TMEM51: variants seen among roughly 807,000 people sequenced by gnomAD.
TMEM51 encodes chromosome 1 open reading frame 72.
A neutral mutation model predicts 13.6 loss-of-function variants in TMEM51; 8 were observed. That is an observed-to-expected ratio of 0.59 (90% CI 0.35 to 1.07). The LOEUF (loss-of-function observed/expected upper bound fraction) is 1.07, where lower values mean the gene tolerates loss of function less well. TMEM51 is among the 50% of genes least tolerant of loss of function. The pLI is 0.02. For missense variants in TMEM51, 279 were observed against 330.7 expected, an observed-to-expected ratio of 0.84 and a Z score of 1.21; for synonymous variants, 147 against 144.4, an observed-to-expected ratio of 1.02 and a Z score of -0.13.
rs116169816 is a variant in TMEM51, at chr1:15,166,975, C to T, written c.-267+13021C>T. Among the ~76,000 whole-genome samples the T allele has an allele frequency of 9.9e-3, 1,508 of 152,130 alleles. 28 individuals are homozygous for T. The highest frequency in any genetic ancestry group is 0.034 in the African/African-American group (1,422 of 41,506). On this transcript the variant is annotated intron_variant, in intron 1 of 3. Transcript: ENST00000376008. ...TAGTTTTGCCCTTTCCAGGATATCA[C>T]GTAAATAGAATCATACAGTATGGTG...
chr1:15,201,437 A>C (rs12090557), intron 1 of TMEM51, among the ~76,000 whole-genome samples: 1 of 151,528 alleles, frequency 6.6e-6, no homozygotes, highest in Non-Finnish European at 1.5e-5. Context: ...AATACATAAA[A>C]TTAATAGTAA....
At chr1:15,212,987 G>A (rs1316533) in intron 2 of TMEM51, among the ~76,000 whole-genome samples, 83,130 of 152,164 alleles carry the variant, frequency 0.55, 23,054 homozygotes, top group East Asian at 0.64. Context: ...GTGCATTCAG[G>A]GTTCAGGCCC....
chr1:15,162,084 T>A (rs1573371531), intron 1 of TMEM51, among the ~76,000 whole-genome samples: 2 of 152,094 alleles, frequency 1.3e-5, no homozygotes, highest in South Asian at 4.2e-4. Flanking sequence ...CAACCAGATC[T>A]TTGGGCACCA....
chr1:15,166,871 C>G (rs1359432827), intron 1 of TMEM51, among the ~76,000 whole-genome samples: 2 of 152,140 alleles, frequency 1.3e-5, no homozygotes, highest in Non-Finnish European at 2.9e-5. Flanking sequence ...CATCACCCCC[C>G]AAAATACTCT....
intron 1 of TMEM51, among the ~76,000 whole-genome samples, chr1:15,182,453 AGG>A (rs1190086941): frequency 6.6e-6 from 1 of 152,220 alleles, no homozygotes; most frequent in Non-Finnish European, 1.5e-5. Flanking sequence ...TCAGTATACC[AGG>A]ACCACTCCGA....
At chr1:15,167,337 A>C (rs1212178435) in intron 1 of TMEM51, among the ~76,000 whole-genome samples, 3 of 140,446 alleles carry the variant, frequency 2.1e-5, no homozygotes, top group Admixed American at 6.8e-5. Flanking sequence ...AAAAAAAAAA[A>C]AAAAAAAAAA....
chr1:15,202,639 CCTTT>C (rs1644177934), intron 1 of TMEM51, among the ~76,000 whole-genome samples: 1 of 152,162 alleles, frequency 6.6e-6, no homozygotes, highest in South Asian at 2.1e-4. Context: ...CCTCCTTTGA[CCTTT>C]CTGCTTCCCT....
intron 1 of TMEM51, among the ~76,000 whole-genome samples, chr1:15,156,963 G>A (rs1003967906): frequency 5.9e-5 from 9 of 152,186 alleles, no homozygotes; most frequent in Non-Finnish European, 1.3e-4. Context: ...CTGGACAGGT[G>A]GTGCAGCCTC....
At chr1:15,174,611 G>T (rs77083363) in intron 1 of TMEM51, among the ~76,000 whole-genome samples, 2 of 152,112 alleles carry the variant, frequency 1.3e-5, no homozygotes, top group African/African-American at 4.8e-5. Context: ...AATTTCATTC[G>T]TTATTTGAGA....
chr1:15,188,392 T>C (rs72642312), intron 1 of TMEM51, among the ~76,000 whole-genome samples: 24,833 of 152,220 alleles, frequency 0.16, 2,128 homozygotes, highest in Non-Finnish European at 0.19. Flanking sequence ...GGCCTGACCA[T>C]GCCCAGCCTT....
At position 15,207,688 on chromosome 1, in the gene TMEM51, G is replaced by A. The variant is rs773372632; in HGVS notation, c.-266-2802G>A. Among the ~76,000 whole-genome samples, 3 of 152,226 alleles carry A rather than the reference G, an allele frequency of 2.0e-5. No homozygotes were observed. The highest frequency in any genetic ancestry group is 7.2e-5 in the African/African-American group (3 of 41,452). ...GTGGAAAGAGCCTCTGCCCAGCGTG[G>A]AGCGGTGAGGCTAAAGGCTTCCATG... On this transcript the variant is annotated intron_variant, in intron 1 of 3. Coordinates refer to ENST00000376008, the MANE Select transcript of TMEM51 (RefSeq NM_001136218.2). This position sits in a 1 kb window ranked among gnomAD's most constrained non-coding sequence, Gnocchi z 4.6.
chr1:15,168,527 G>C (rs1233042853), intron 1 of TMEM51: 7 of 1,304,734 alleles, frequency 5.4e-6, no homozygotes, highest in Middle Eastern at 4.2e-4. Flanking sequence ...TTGGAAGCTG[G>C]TAGAACCACT....
At chr1:15,190,251 A>C (rs900342542) in intron 1 of TMEM51, among the ~76,000 whole-genome samples, 1 of 152,152 alleles carries the variant, frequency 6.6e-6, no homozygotes, top group Non-Finnish European at 1.5e-5. Context: ...TCTGGGCTCG[A>C]GTGTTTGTGA....
At chr1:15,206,938 G>A (rs559667593) in intron 1 of TMEM51, among the ~76,000 whole-genome samples, 33 of 152,254 alleles carry the variant, frequency 2.2e-4, no homozygotes, top group Admixed American at 6.5e-4. Context: ...ACCTTGGTCC[G>A]TGGGGAGGTA....
Position 15,215,312 on chromosome 1 carries a change from G to A in TMEM51, c.225G>A (p.Met75Ile). 6.2e-7 allele frequency: 1 copy of A among 1,614,082 alleles called. No homozygotes were observed. The highest frequency in any genetic ancestry group is 8.5e-7 in the Non-Finnish European group (1 of 1,180,032). ...VAYVLVGAGV[M>I]LLLLSICLSI... ...ACGTGCTGGTCGGGGCCGGGGTGAT[G>A]CTGCTGCTGCTTTCTATCTGCCTGA... The change falls in exon 3 of 4, where the codon ATG becomes ATA. Residue 75 changes from methionine to isoleucine, a missense_variant. By Grantham distance (10) the Met-to-Ile change is conservative (BLOSUM62 1). Coordinates refer to ENST00000376008, the MANE Select transcript of TMEM51 (RefSeq NM_001136218.2).
chr1:15,219,485 C>T lies in TMEM51; in HGVS notation c.504C>T (p.Asp168=), dbSNP rs961674632. 56 of 1,614,110 alleles carry T rather than the reference C, an allele frequency of 3.5e-5. No individual in the cohort carries two copies. The highest frequency in any genetic ancestry group is 1.6e-4 in the Middle Eastern group (1 of 6,062). ...LPSYESLTGL[D]ETTPTSTRAD... ...CCTATGAGTCACTGACGGGGCTCGA[C>T]GAGACCACCCCCACATCCACCAGGG... Residue 168 remains aspartate, a synonymous_variant, in exon 4 of 4, where the codon GAC becomes GAT. Transcript: ENST00000376008.
At chr1:15,204,954 G>A (rs939542011) in intron 1 of TMEM51, among the ~76,000 whole-genome samples, 4 of 152,084 alleles carry the variant, frequency 2.6e-5, no homozygotes, top group Admixed American at 6.5e-5. Context: ...GAGAAGGTTC[G>A]AGGTGTCAGA....
chr1:15,199,507 A>G (rs1293174250), intron 1 of TMEM51, among the ~76,000 whole-genome samples: 1 of 152,176 alleles, frequency 6.6e-6, no homozygotes, highest in African/African-American at 2.4e-5. Flanking sequence ...TGGGGGAATC[A>G]TAATGCCAGC....
rs1316324907 is a variant in TMEM51, at chr1:15,161,877, C to T, written c.-267+7923C>T. Among the ~76,000 whole-genome samples the T allele has an allele frequency of 6.6e-6, 1 of 151,906 alleles. No homozygotes were observed. The highest frequency in any genetic ancestry group is 1.9e-4 in the East Asian group (1 of 5,184). ...CCGGGAGGCGGAGGTTGCAGTGAGC[C>T]GAGATGGAGCCACTGCACTCCAGCC... On this transcript the variant is annotated intron_variant, in intron 1 of 3. Coordinates refer to ENST00000376008, the MANE Select transcript of TMEM51 (RefSeq NM_001136218.2). The surrounding 1 kb of genome is among the most constrained non-coding windows in gnomAD (Gnocchi z 4.0).
Sources: allele counts gnomAD v4.1 joint callset (sites outside exome capture counted in the v4.1 genomes callset), GRCh38; gene constraint gnomAD v4.1.1; non-coding constraint Gnocchi (gnomAD v3.1); transcripts MANE v1.5; gene names NCBI Gene and HGNC (gene_info 2026-07-23, HGNC 2026-07-21).